Variants in SPDL1 observed in about 807,000 individuals in gnomAD.
SPDL1 encodes the protein spindle apparatus coiled-coil protein 1.
In SPDL1, 85 loss-of-function variants were observed where a neutral mutation model predicts 79.5. The ratio of observed to expected loss-of-function variants is 1.07; its 90% CI spans 0.90 to 1.28. The LOEUF (loss-of-function observed/expected upper bound fraction) is 1.28, where lower values mean the gene tolerates loss of function less well. Among genes scored for constraint, SPDL1 ranks in the 50% most tolerant of loss-of-function variants. SPDL1 has a pLI of 0.00. For synonymous variants in SPDL1, 269 were observed against 240.3 expected, an observed-to-expected ratio of 1.12 and a Z score of -1.10; for missense variants, 703 against 697.8, an observed-to-expected ratio of 1.01 and a Z score of -0.08.
At position 169,604,314 on chromosome 5, in the gene SPDL1, G is replaced by C. The variant is rs1275939736; in HGVS notation, c.*107G>C. The stretch of plus-strand genomic sequence containing the variant: ...TCACCTTCTGGGTTATTTACTCATT[G>C]TGCCAGGACCTGGCATTTTCATGTG... On this transcript the variant is annotated 3_prime_UTR_variant, in exon 12 of 12. Transcript: ENST00000265295. The C allele has an allele frequency of 8.6e-7, 1 of 1,160,364 alleles. No individual in the cohort carries two copies. The highest frequency in any genetic ancestry group is 1.2e-6 in the Non-Finnish European group (1 of 864,066). 71.9% of individuals were successfully genotyped at this position (1,160,364 alleles called of 1,614,324 possible).
rs371434309 is a variant in SPDL1 at position 169,599,012 on chromosome 5, C to T, written c.1177C>T (p.Arg393Ter). 124 of 1,571,232 alleles carry T rather than the reference C, an allele frequency of 7.9e-5. No individual in the cohort carries two copies. The highest frequency in any genetic ancestry group is 3.4e-4 in the Middle Eastern group (2 of 5,918). Residue 393 changes from arginine (R) to a stop codon, truncating the protein, a stop_gained, in exon 10 of 12, where the codon CGA (arginine) becomes TGA (stop). Coordinates refer to ENST00000265295, the MANE Select transcript of SPDL1 (RefSeq NM_017785.5). LOFTEE classifies it high-confidence loss of function. The part of the protein sequence containing the change: ...ESTKGELSIQ[R>*]MKALFESQRA... ...CACTAAAGGTGAATTGTCCATACAGCGAATGAAAGCATTATTTGAGAGCCA... is the reference window on the plus strand; with the variant it reads ...CACTAAAGGTGAATTGTCCATACAGTGAATGAAAGCATTATTTGAGAGCCA...
At chr5:169,585,016 C>CAAAAAAAAAAAAAAAAAAAAAA (rs11415643) in intron 1 of SPDL1, among the ~76,000 whole-genome samples, 1 of 138,268 alleles carries the variant, frequency 7.2e-6, no homozygotes, top group African/African-American at 2.7e-5. Context: ...GACTCCGTCT[C>CAAAAAAAAAAAAAAAAAAAAAA]AAAAAAAAAA....
intron 11 of SPDL1, 62 bp downstream of exon 11, chr5:169,601,687 A>T (rs758092207): frequency 3.6e-6 from 5 of 1,372,726 alleles, no homozygotes; most frequent in Admixed American, 1.8e-5. Context: ...CTCTCGCTGC[A>T]TGAACTGTGC....
chr5:169,585,531 TAACTC>T (rs751061146), intron 1 of SPDL1, among the ~76,000 whole-genome samples: 3 of 152,208 alleles, frequency 2.0e-5, no homozygotes, highest in Admixed American at 1.3e-4. Context: ...AGTATTTACT[TAACTC>T]AAGCTCATCA....
chr5:169,595,347 G>C (rs928992169), intron 7 of SPDL1: 4 of 152,186 alleles, frequency 2.6e-5, no homozygotes, highest in Admixed American at 1.3e-4. Flanking sequence ...CATGGGCTTT[G>C]CCAAAGAAAT....
chr5:169,585,581 T>C (rs1754948690), intron 1 of SPDL1, among the ~76,000 whole-genome samples: 1 of 152,184 alleles, frequency 6.6e-6, no homozygotes, highest in Admixed American at 6.5e-5. Context: ...TTGAAGCAGT[T>C]AGCATGGCAA....
At chr5:169,584,461 T>C (rs1008774978) in intron 1 of SPDL1, among the ~76,000 whole-genome samples, 31 of 152,230 alleles carry the variant, frequency 2.0e-4, no homozygotes, top group African/African-American at 7.2e-4. Flanking sequence ...TTGCTTTTCA[T>C]TCGTTATCTC....
At chr5:169,603,699 C>T (rs940543157) in intron 11 of SPDL1, among the ~76,000 whole-genome samples, 3 of 151,976 alleles carry the variant, frequency 2.0e-5, no homozygotes, top group Admixed American at 1.3e-4. Context: ...ACTAAAAATA[C>T]GAAAATTAGC....
At chr5:169,598,709 TTG>T in intron 9 of SPDL1, 130 bp downstream of exon 9, 1 of 977,416 alleles carries the variant, frequency 1.0e-6, no homozygotes, top group Admixed American at 2.3e-5. Flanking sequence ...AAAAATATCT[TTG>T]TGCAGATATT....
chr5:169,602,707 A>C (rs1194509580), intron 11 of SPDL1, among the ~76,000 whole-genome samples: 3 of 152,248 alleles, frequency 2.0e-5, no homozygotes, highest in African/African-American at 7.2e-5. Context: ...TATAAGGCAT[A>C]GTAATTTTAT....
Position 169,599,138 on chromosome 5 carries a change from A to G in SPDL1, c.1303A>G (p.Lys435Glu), listed in dbSNP as rs375367451. The change falls in exon 10 of 12, where the codon AAA (lysine) becomes GAA (glutamate). Residue 435 changes from lysine (K) to glutamate (E), a missense_variant. Coordinates refer to ENST00000265295, the MANE Select transcript of SPDL1 (RefSeq NM_017785.5). ...ACTGAGAGCTAAACTAGATGAATTGAAACTAAAATATGAACCTGAAGGTAT... is the reference window on the plus strand; with the variant it reads ...ACTGAGAGCTAAACTAGATGAATTGGAACTAAAATATGAACCTGAAGGTAT... ...MKLRAKLDEL[K>E]LKYEPEETVE... 1.4e-4 allele frequency: 218 copies of G among 1,550,728 alleles called. No individual in the cohort carries two copies. The highest frequency in any genetic ancestry group is 1.8e-4 in the Non-Finnish European group (202 of 1,136,318).
At position 169,583,859 on chromosome 5, in the gene SPDL1, T is replaced by A. The variant is rs1754833081; in HGVS notation, c.-54T>A. ...GCCCTGAGCTCCCATTAGGAGCCGC[T>A]GGCTGCGGCAGCAGGGGACTAGCGT... On this transcript the variant is annotated 5_prime_UTR_variant, in exon 1 of 12. Coordinates refer to ENST00000265295, the MANE Select transcript of SPDL1 (RefSeq NM_017785.5). 6.6e-6 allele frequency: 1 copy of A among 152,376 alleles called. No homozygotes were observed. Among genetic ancestry groups the A allele is most frequent in the Non-Finnish European group, 1.5e-5 (1 of 68,136 alleles). 9.4% of individuals were successfully genotyped at this position (152,376 alleles called of 1,614,324 possible). A position where few individuals can be genotyped will look rare whatever the true frequency, so the allele number is the denominator to read the frequency against.
intron 7 of SPDL1, 55 bp from the exon 8 acceptor site, chr5:169,596,506 A>G: frequency 6.9e-7 from 1 of 1,449,414 alleles, no homozygotes; most frequent in Non-Finnish European, 9.6e-7. Context: ...AAAAGTAGTT[A>G]TCAGAATCTT....
intron 4 of SPDL1, 98 bp from the exon 5 acceptor site, chr5:169,594,047 T>G: frequency 1.0e-6 from 1 of 1,004,018 alleles, no homozygotes; most frequent in Non-Finnish European, 1.5e-6. Flanking sequence ...TTCTTTAGTT[T>G]TAATTTTGGA....
chr5:169,593,566 T>C lies in SPDL1; in HGVS notation c.531+18T>C, dbSNP rs1057185346. Reference sequence around the variant, plus strand: ...GTATGAAGGTAATTTTTATGGCATGTGTTTCTCAGGGTTTTCTCTTTTTTT... The same window carrying C: ...GTATGAAGGTAATTTTTATGGCATGCGTTTCTCAGGGTTTTCTCTTTTTTT... On this transcript the variant is annotated intron_variant, in intron 4 of 11. Transcript: ENST00000265295. 9.7e-6 allele frequency: 15 copies of C among 1,543,848 alleles called. No individual in the cohort carries two copies. The highest frequency in any genetic ancestry group is 1.4e-5 in the African/African-American group (1 of 71,594).
Position 169,593,457 on chromosome 5 carries a change from A to T in SPDL1, c.440A>T (p.Glu147Val). The T allele has an allele frequency of 6.2e-7, 1 of 1,614,158 alleles. No homozygotes were observed. Among genetic ancestry groups the T allele is most frequent in the Non-Finnish European group, 8.5e-7 (1 of 1,180,008 alleles). The change falls in exon 4 of 12, where the codon GAA (glutamate) becomes GTA (valine). Residue 147 changes from glutamate to valine, a missense_variant. Coordinates refer to ENST00000265295, the MANE Select transcript of SPDL1 (RefSeq NM_017785.5). ...QKELLSCKSE[E>V]LRVMSERVQE... ...GAACTCCTCTCTTGTAAATCAGAGG[A>T]ACTGCGCGTAATGTCTGAACGTGTG...
Position 169,601,263 on chromosome 5 carries a change from C to T in SPDL1, c.1325-17C>T. 1 of 1,573,278 alleles carries T rather than the reference C, an allele frequency of 6.4e-7. No homozygotes were observed. The highest frequency in any genetic ancestry group is 1.2e-5 in the South Asian group (1 of 85,564). ...TTTCTTAGATTTTTTCTTTTCCCCA[C>T]TCGTTTTTATTCTCAGAGACAGTTG... On this transcript the variant is annotated splice_polypyrimidine_tract_variant and intron_variant, in intron 10 of 11. Transcript: ENST00000265295.
At chr5:169,601,724 C>G (rs866839352) in intron 11 of SPDL1, 99 bp downstream of exon 11, 3 of 1,076,918 alleles carry the variant, frequency 2.8e-6, no homozygotes, top group Non-Finnish European at 2.8e-6. Flanking sequence ...TACTTTCTTA[C>G]AATTGCATGC....
rs1455164613 is a variant in SPDL1, at chr5:169,594,246, A to G, written c.633A>G (p.Glu211=). The change falls in exon 5 of 12, where the codon GAA becomes GAG. Residue 211 remains glutamate, a synonymous_variant. Coordinates refer to ENST00000265295, the MANE Select transcript of SPDL1 (RefSeq NM_017785.5). ...GCCAGGTAGACCGGCTTAAAGAGGAAAAAGAGGAGCGAGAGAAAGAAGCAG... is the reference window on the plus strand; with the variant it reads ...GCCAGGTAGACCGGCTTAAAGAGGAGAAAGAGGAGCGAGAGAAAGAAGCAG... ...LMRQVDRLKE[E]KEEREKEAVS... 6.2e-7 allele frequency: 1 copy of G among 1,614,142 alleles called. No individual in the cohort carries two copies. Among genetic ancestry groups the G allele is most frequent in the South Asian group, 1.1e-5 (1 of 91,080 alleles).
Sources: gnomAD v4.1 joint callset for allele counts (sites outside exome capture counted in the v4.1 genomes callset) on GRCh38, gnomAD v4.1.1 for gene constraint, MANE v1.5 for transcripts, NCBI Gene and HGNC (gene_info 2026-07-23, HGNC 2026-07-21) for gene names.